Variants in VWA3A observed in about 807,000 individuals in gnomAD.
The protein encoded by VWA3A is von Willebrand factor A domain containing 3A.
A neutral mutation model predicts 160.4 loss-of-function variants in VWA3A; 134 were observed. That is an observed-to-expected ratio of 0.84 (90% confidence interval 0.73 to 0.96). The LOEUF (loss-of-function observed/expected upper bound fraction) is 0.96, where lower values mean the gene tolerates loss of function less well. Ranked by LOEUF, VWA3A falls within the 40% of genes least tolerant of loss-of-function variation. VWA3A has a pLI of 0.00. For missense variants in VWA3A, 1,310 were observed against 1,447.9 expected, an observed-to-expected ratio of 0.90 and a Z score of 1.55; for synonymous variants, 476 against 543.4, an observed-to-expected ratio of 0.88 and a Z score of 1.72.
At position 22,105,546 on chromosome 16, in the gene VWA3A, G is replaced by A. The variant is rs138472990; in HGVS notation, c.483+2017G>A. Among the ~76,000 whole-genome samples, 26 of 152,342 alleles carry A rather than the reference G, an allele frequency of 1.7e-4. No homozygotes were observed. The Middle Eastern group carries it at 0.017, about 100-fold the overall frequency. The stretch of plus-strand genomic sequence containing the variant: ...GCCAAATCTGGCCCACAGCCATTCT[G>A]TTTAGGCTCCCTAATTTTAACTATT... On this transcript the variant is annotated intron_variant, in intron 6 of 33. Coordinates refer to ENST00000389398, the MANE Select transcript of VWA3A (RefSeq NM_173615.5).
chr16:22,119,991 T>C (rs181880599), intron 12 of VWA3A, among the ~76,000 whole-genome samples: 87 of 151,910 alleles, frequency 5.7e-4, no homozygotes, highest in Non-Finnish European at 9.3e-4. Flanking sequence ...GCACTCCATC[T>C]TGGGTAACAG....
intron 20 of VWA3A, among the ~76,000 whole-genome samples, 157 bp downstream of exon 20, chr16:22,133,252 G>GCACATAGATA (rs2045981415): frequency 6.6e-6 from 1 of 152,176 alleles, no homozygotes; most frequent in African/African-American, 2.4e-5. Context: ...TAGCAGTGAT[G>GCACATAGATA]GTTGAACAAC....
intron 3 of VWA3A, among the ~76,000 whole-genome samples, chr16:22,098,999 G>A (rs2045366800): frequency 6.6e-6 from 1 of 151,422 alleles, no homozygotes; most frequent in South Asian, 2.1e-4. Flanking sequence ...GGGAGGTCTA[G>A]GAAGGAGGAT....
intron 17 of VWA3A, among the ~76,000 whole-genome samples, chr16:22,127,140 G>C (rs542452184): frequency 6.6e-6 from 1 of 151,050 alleles, no homozygotes; most frequent in African/African-American, 2.4e-5. Context: ...TTTTGTTTTT[G>C]TTTTGAGATG....
chr16:22,149,114 C>T (rs988136399), intron 28 of VWA3A, among the ~76,000 whole-genome samples: 1 of 152,138 alleles, frequency 6.6e-6, no homozygotes, highest in African/African-American at 2.4e-5. Context: ...TCACAATGAG[C>T]CCGTGAGGTG....
At chr16:22,109,061 C>T (rs1468246986) in intron 6 of VWA3A, among the ~76,000 whole-genome samples, 1 of 152,002 alleles carries the variant, frequency 6.6e-6, no homozygotes, top group Non-Finnish European at 1.5e-5. Context: ...TTGCAGCTGG[C>T]GAACCTAACA....
Position 22,117,202 on chromosome 16 carries a change from C to G in VWA3A, c.990+26C>G, listed in dbSNP as rs772356212. On this transcript the variant is annotated intron_variant, in intron 11 of 33. Transcript: ENST00000389398. ...GTAAGCCCTTCTGTCAACACATGGC[C>G]CCTCTTCTTCTCTCCTTGTCTGCCT... The G allele has an allele frequency of 2.6e-6, 4 of 1,563,890 alleles. No individual in the cohort carries two copies. The South Asian group carries it at 4.7e-5, about 18-fold the overall frequency.
chr16:22,119,447 A>C (rs1265008607), intron 12 of VWA3A, among the ~76,000 whole-genome samples: 1 of 152,210 alleles, frequency 6.6e-6, no homozygotes, highest in Non-Finnish European at 1.5e-5. Context: ...AAGGCCAGAG[A>C]ATCGCTTGAG....
intron 9 of VWA3A, among the ~76,000 whole-genome samples, chr16:22,115,832 GGGAAGGAAGGAAGGAAGGAAGGAAGGAA>G (rs1190018283): frequency 1.5e-4 from 13 of 88,164 alleles, no homozygotes; most frequent in Non-Finnish European, 2.5e-4. Context: ...GTGAGACCCA[GGGAAGGAAGGAAGGAAGGAAGGAAGGAA>G]GGAAGGAAGG....
intron 19 of VWA3A, among the ~76,000 whole-genome samples, chr16:22,132,148 C>G (rs1034727604): frequency 2.0e-5 from 3 of 152,160 alleles, no homozygotes; most frequent in African/African-American, 7.2e-5. Context: ...CTTTGGGAGG[C>G]TGAGGCAGGC....
At chr16:22,097,040 A>G in intron 2 of VWA3A, 95 bp downstream of exon 2, 1 of 784,966 alleles carries the variant, frequency 1.3e-6, no homozygotes, top group South Asian at 1.7e-5. Context: ...ATCTAGGCTC[A>G]CTGCAAGCTC....
intron 6 of VWA3A, among the ~76,000 whole-genome samples, chr16:22,108,643 A>G (rs138926612): frequency 1.2e-3 from 188 of 152,318 alleles, no homozygotes; most frequent in African/African-American, 4.4e-3. Flanking sequence ...GGAAAATTAG[A>G]TATCCAGTAA....
chr16:22,109,344 T>G, intron 6 of VWA3A, 138 bp from the exon 7 acceptor site: 1 of 698,244 alleles, frequency 1.4e-6, no homozygotes, highest in Non-Finnish European at 2.4e-6. Flanking sequence ...GCTTTTCCCT[T>G]ATAAAATGAG....
chr16:22,122,805 G>A (rs867933230), intron 14 of VWA3A, among the ~76,000 whole-genome samples: 4 of 152,154 alleles, frequency 2.6e-5, no homozygotes, highest in South Asian at 2.1e-4. Context: ...AAAGCCTCTC[G>A]GGAAAACAGC....
chr16:22,101,744 T>C (rs1428422053), intron 5 of VWA3A, among the ~76,000 whole-genome samples: 1 of 152,242 alleles, frequency 6.6e-6, no homozygotes. Context: ...GAATTTATAG[T>C]AACTTTTATT....
At chr16:22,111,130 A>C in intron 8 of VWA3A, 136 bp downstream of exon 8, 1 of 708,008 alleles carries the variant, frequency 1.4e-6, no homozygotes, top group Non-Finnish European at 2.2e-6. Context: ...CAACTCACAA[A>C]AGCAGAAACA....
intron 15 of VWA3A, 125 bp downstream of exon 15, chr16:22,123,290 C>G: frequency 1.8e-6 from 2 of 1,121,620 alleles, no homozygotes; most frequent in Non-Finnish European, 2.6e-6. Context: ...GGACTGTGTG[C>G]TCCACCTACA....
intron 1 of VWA3A, among the ~76,000 whole-genome samples, chr16:22,094,879 A>G (rs1028382407): frequency 1.3e-5 from 2 of 151,800 alleles, no homozygotes; most frequent in African/African-American, 4.8e-5. Context: ...AGGCAGGAGA[A>G]TCACTTGAAC....
chr16:22,155,601 T>G lies in VWA3A; in HGVS notation c.3440T>G (p.Leu1147Ter). ...TTGCCACCATTTGAAGGAGATGATT[T>G]AAGGATCCTGGCCCAGGAGATCACC... Reference protein sequence around the residue: ...PTLPPFEGDDLRILAQEITKA... With the variant: ...PTLPPFEGDD Residue 1147 changes from leucine to a stop codon, truncating the protein, a stop_gained, in exon 32 of 34, where the codon TTA (leucine) becomes TGA (stop). Transcript: ENST00000389398. LOFTEE classifies it high-confidence loss of function. 1.2e-6 allele frequency: 2 copies of G among 1,613,978 alleles called. No individual in the cohort carries two copies. The highest frequency in any genetic ancestry group is 1.7e-6 in the Non-Finnish European group (2 of 1,179,894).
Sources: allele counts gnomAD v4.1 joint callset (sites outside exome capture counted in the v4.1 genomes callset), GRCh38; gene constraint gnomAD v4.1.1; transcripts MANE v1.5; gene names NCBI Gene and HGNC (gene_info 2026-07-23, HGNC 2026-07-21).